ASPH: variants seen among roughly 807,000 people sequenced by gnomAD.
ASPH encodes aspartyl/asparaginyl beta-hydroxylase.
In ASPH, 100 loss-of-function variants were observed where a neutral mutation model predicts 118.4. The ratio of observed to expected loss-of-function variants is 0.84; its 90% confidence interval spans 0.72 to 1.00. The LOEUF is 1.00. Among genes scored for constraint, ASPH ranks in the 50% least tolerant of loss-of-function variants. The pLI is 0.00. For synonymous variants in ASPH, 315 were observed against 325.6 expected (o/e 0.97, Z 0.35); for missense variants, 920 against 919.5 (o/e 1.00, Z -0.01).
chr8:61,580,376 C>T (rs757836425), intron 15 of ASPH, among the ~76,000 whole-genome samples: 1 of 152,220 alleles, frequency 6.6e-6, no homozygotes, highest in Non-Finnish European at 1.5e-5. Context: ...CTTGGACATC[C>T]AGGCAATTCA....
intron 3 of ASPH, among the ~76,000 whole-genome samples, chr8:61,671,612 A>T (rs1822580738): frequency 6.6e-6 from 1 of 152,238 alleles, no homozygotes; most frequent in South Asian, 2.1e-4. Context: ...TCGTCCTTTT[A>T]TACTTATTTT....
At chr8:61,549,031 A>G (rs1036182333) in intron 20 of ASPH, among the ~76,000 whole-genome samples, 1 of 152,152 alleles carries the variant, frequency 6.6e-6, no homozygotes, top group Non-Finnish European at 1.5e-5. Flanking sequence ...TTGTCTTTTG[A>G]ATGGAAGGCT....
intron 1 of ASPH, 91 bp downstream of exon 1, chr8:61,714,178 C>G: frequency 7.5e-7 from 1 of 1,340,200 alleles, no homozygotes; most frequent in East Asian, 3.1e-5. Context: ...CGCGGTGGGA[C>G]CTGGGGAGAT....
At position 61,684,056 on chromosome 8, in the gene ASPH, T is replaced by A; in HGVS notation, c.236A>T (p.Asp79Val). ...ATTCTTACCTAGAACTTCCTCATAG[T>A]CAACAAGATCAAACCAAACGACAGC... ...SVAVVWFDLV[D>V]YEEVLGKLGI... The change falls in exon 2 of 25, where the codon GAC (aspartate) becomes GTC (valine). Residue 79 changes from aspartate (D) to valine (V), a missense_variant. Asp to Val is a radical substitution (Grantham distance 152). Transcript: ENST00000379454. The A allele has an allele frequency of 6.2e-7, 1 of 1,613,480 alleles. No homozygotes were observed. Among genetic ancestry groups the A allele is most frequent in the Non-Finnish European group, 8.5e-7 (1 of 1,179,642 alleles).
At chr8:61,542,004 A>G (rs1393732880) in intron 21 of ASPH, among the ~76,000 whole-genome samples, 2 of 152,202 alleles carry the variant, frequency 1.3e-5, no homozygotes, top group Non-Finnish European at 2.9e-5. Context: ...GAGGACAAGG[A>G]GAGCTTTTAG....
At chr8:61,539,699 G>GGTGTGTGTTT (rs1554618406) in intron 21 of ASPH, among the ~76,000 whole-genome samples, 6 of 124,214 alleles carry the variant, frequency 4.8e-5, no homozygotes, top group Non-Finnish European at 8.7e-5. Flanking sequence ...ACACTTCTGG[G>GGTGTGTGTTT]GTGTGTGTGT....
At chr8:61,547,345 C>A (rs115678579) in intron 21 of ASPH, among the ~76,000 whole-genome samples, 1 of 152,208 alleles carries the variant, frequency 6.6e-6, no homozygotes, top group African/African-American at 2.4e-5. Context: ...TTTATAACTG[C>A]GTTTTCTCTC....
intron 15 of ASPH, among the ~76,000 whole-genome samples, chr8:61,577,480 C>T (rs978843398): frequency 5.7e-5 from 8 of 141,374 alleles, no homozygotes; most frequent in Non-Finnish European, 1.1e-4. Flanking sequence ...ATTGAATTTT[C>T]CCTCAATATA....
At chr8:61,663,041 T>C in intron 3 of ASPH, 1 of 985,404 alleles carries the variant, frequency 1.0e-6, no homozygotes, top group Non-Finnish European at 1.2e-6. Flanking sequence ...AAAAAATCTT[T>C]AGTGAAGACA....
chr8:61,582,151 G>A (rs1296400579), intron 15 of ASPH, among the ~76,000 whole-genome samples: 1 of 152,186 alleles, frequency 6.6e-6, no homozygotes, highest in Admixed American at 6.5e-5. Context: ...TGTTTCAGAA[G>A]CAAGAATTGT....
Position 61,649,515 on chromosome 8 carries a change from C to T in ASPH, c.490+1535G>A, listed in dbSNP as rs534449424. Among the ~76,000 whole-genome samples the T allele has an allele frequency of 2.7e-3, 406 of 152,230 alleles. 2 individuals carry two copies. The highest frequency in any genetic ancestry group is 9.4e-3 in the African/African-American group (390 of 41,524). ...CAGCTATATATTTAAAAGTTATCAACATACAAAGAATATTTATAACCATGG... is the reference window on the plus strand; with the variant it reads ...CAGCTATATATTTAAAAGTTATCAATATACAAAGAATATTTATAACCATGG... On this transcript the variant is annotated intron_variant, in intron 5 of 24. Transcript: ENST00000379454.
chr8:61,712,446 G>C (rs1838275986), intron 1 of ASPH, among the ~76,000 whole-genome samples: 1 of 152,194 alleles, frequency 6.6e-6, no homozygotes, highest in South Asian at 2.1e-4. Context: ...TGCGGATAAA[G>C]AATACTCATT....
intron 1 of ASPH, among the ~76,000 whole-genome samples, chr8:61,685,261 C>A (rs1490907560): frequency 6.6e-6 from 1 of 152,144 alleles, no homozygotes; most frequent in Non-Finnish European, 1.5e-5. Context: ...AGGCAAGGAG[C>A]TGTCAAGGCT....
intron 1 of ASPH, among the ~76,000 whole-genome samples, chr8:61,698,202 G>C (rs1163643997): frequency 1.3e-5 from 2 of 152,208 alleles, no homozygotes; most frequent in African/African-American, 4.8e-5. Flanking sequence ...ACAAGGTCAG[G>C]TAATACTTAT....
chr8:61,633,740 A>G lies in ASPH; in HGVS notation c.890-13T>C, dbSNP rs1165823213. On this transcript the variant is annotated splice_polypyrimidine_tract_variant and intron_variant, in intron 12 of 24. Coordinates refer to ENST00000379454, the MANE Select transcript of ASPH (RefSeq NM_004318.4). ...AAAATGCTTACTTCTAAAATAAATA[A>G]TAAAGTTATAATCTGTTACATATTG... is the stretch of plus-strand genomic sequence containing the variant. 6.3e-7 allele frequency: 1 copy of G among 1,579,230 alleles called. No homozygotes were observed.
rs542011020 is a variant in ASPH at position 61,514,299 on chromosome 8, T to A, written c.2126+3229A>T. On this transcript the variant is annotated intron_variant, in intron 24 of 24. Transcript: ENST00000379454. Reference sequence around the variant, plus strand: ...TTCCATCTCTCTTCCTCTCCCTGCCTATGCCTAAGTAGATTTTTTTTTTTT... The same window carrying A: ...TTCCATCTCTCTTCCTCTCCCTGCCAATGCCTAAGTAGATTTTTTTTTTTT... Among the ~76,000 whole-genome samples, 240 of 152,024 alleles carry A rather than the reference T, an allele frequency of 1.6e-3. No individual in the cohort carries two copies. In the Middle Eastern group the frequency reaches 0.017, roughly 11 times the overall value.
chr8:61,543,663 G>GTA (rs1233727479), intron 21 of ASPH, among the ~76,000 whole-genome samples: 1 of 152,148 alleles, frequency 6.6e-6, no homozygotes, highest in Non-Finnish European at 1.5e-5. Context: ...TTCTGTGCAT[G>GTA]TATATACTTT....
chr8:61,503,010 C>A lies in ASPH; in HGVS notation c.*349G>T, dbSNP rs1805197528. 1 of 174,250 alleles carries A rather than the reference C, an allele frequency of 5.7e-6. No homozygotes were observed. The highest frequency in any genetic ancestry group is 6.3e-5 in the Admixed American group (1 of 15,918). 10.8% of individuals were successfully genotyped at this position (174,250 alleles called of 1,614,324 possible). On this transcript the variant is annotated 3_prime_UTR_variant, in exon 25 of 25. Coordinates refer to ENST00000379454, the MANE Select transcript of ASPH (RefSeq NM_004318.4). Reference sequence around the variant, plus strand: ...AGAAAAATTACAAACTAAAGCAATCCATTCACAGTTTCTACATATGTTCTC... The same window carrying A: ...AGAAAAATTACAAACTAAAGCAATCAATTCACAGTTTCTACATATGTTCTC...
At chr8:61,540,348 G>A (rs991347378) in intron 21 of ASPH, among the ~76,000 whole-genome samples, 3 of 152,110 alleles carry the variant, frequency 2.0e-5, no homozygotes, top group African/African-American at 7.2e-5. Flanking sequence ...TACTGTCCTC[G>A]TGATAGTGAA....
Sources: allele counts gnomAD v4.1 joint callset (sites outside exome capture counted in the v4.1 genomes callset), GRCh38; gene constraint gnomAD v4.1.1; transcripts MANE v1.5; gene names NCBI Gene and HGNC (gene_info 2026-07-23, HGNC 2026-07-21).